NCK1: variants seen among roughly 807,000 people sequenced by gnomAD.
NCK1 encodes the protein SH2/SH3 adapter protein NCK1.
In NCK1, 19 loss-of-function variants were observed where a neutral mutation model predicts 36.6. The observed-to-expected ratio is 0.52, with a 90% CI of 0.36 to 0.76. NCK1 has a LOEUF of 0.76. Ranked by LOEUF, NCK1 falls within the 30% of genes least tolerant of loss-of-function variation. NCK1 has a pLI of 0.00. For missense variants in NCK1, 358 were observed against 445.6 expected, an observed-to-expected ratio of 0.80 and a Z score of 1.77; for synonymous variants, 165 against 156.0, an observed-to-expected ratio of 1.06 and a Z score of -0.43.
chr3:136,893,147 A>AGTGTGTGTGTGTGTGTGTGT (rs142883729), intron 1 of NCK1, among the ~76,000 whole-genome samples: 1 of 41,888 alleles, frequency 2.4e-5, no homozygotes, highest in African/African-American at 8.0e-5. Flanking sequence ...AATATTCCAT[A>AGTGTGTGTGTGTGTGTGTGT]GTGTGTGTGT....
intron 2 of NCK1, among the ~76,000 whole-genome samples, chr3:136,936,973 A>G (rs1488211852): frequency 6.6e-6 from 1 of 152,226 alleles, no homozygotes; most frequent in Non-Finnish European, 1.5e-5. Flanking sequence ...TTTCAATTTT[A>G]ATGAAGTATA....
chr3:136,944,859 G>A (rs1940770666), intron 2 of NCK1, among the ~76,000 whole-genome samples: 1 of 152,150 alleles, frequency 6.6e-6, no homozygotes, highest in Non-Finnish European at 1.5e-5. Flanking sequence ...TGTATTGATA[G>A]TACCATTTGG....
At chr3:136,933,342 A>G (rs184442405) in intron 2 of NCK1, among the ~76,000 whole-genome samples, 19 of 152,372 alleles carry the variant, frequency 1.2e-4, no homozygotes, top group Non-Finnish European at 2.9e-5. Flanking sequence ...CAGTATATCA[A>G]GGATTTGCAA....
chr3:136,923,117 G>A (rs891641335), intron 1 of NCK1, among the ~76,000 whole-genome samples: 2 of 152,000 alleles, frequency 1.3e-5, no homozygotes, highest in African/African-American at 4.8e-5. Flanking sequence ...GTGTGTGTGT[G>A]TGTGCGCGCC....
chr3:136,883,509 C>T (rs565786719), intron 1 of NCK1, among the ~76,000 whole-genome samples: 82 of 152,182 alleles, frequency 5.4e-4, no homozygotes, highest in African/African-American at 1.8e-3. Context: ...ATTCTCTGTC[C>T]TTTATGGTAG....
At chr3:136,872,312 A>G (rs953996854) in intron 1 of NCK1, among the ~76,000 whole-genome samples, 1 of 152,212 alleles carries the variant, frequency 6.6e-6, no homozygotes, top group Admixed American at 6.5e-5. Flanking sequence ...TTAGCAAAGA[A>G]ACTGGCAACA....
chr3:136,881,463 C>T (rs1464261839), intron 1 of NCK1, among the ~76,000 whole-genome samples: 1 of 152,148 alleles, frequency 6.6e-6, no homozygotes, highest in East Asian at 1.9e-4. Flanking sequence ...CATGATCTGC[C>T]CGCCTCGGCC....
At chr3:136,915,904 T>C (rs1939952070) in intron 1 of NCK1, among the ~76,000 whole-genome samples, 1 of 152,048 alleles carries the variant, frequency 6.6e-6, no homozygotes, top group Admixed American at 6.6e-5. Flanking sequence ...TTTTGTATTA[T>C]TAGTAGAGAC....
At chr3:136,924,193 G>A (rs1940183253) in intron 1 of NCK1, among the ~76,000 whole-genome samples, 1 of 152,132 alleles carries the variant, frequency 6.6e-6, no homozygotes, top group Admixed American at 6.5e-5. Flanking sequence ...CAGACATAAT[G>A]TGCCTCCTAA....
intron 1 of NCK1, among the ~76,000 whole-genome samples, chr3:136,891,857 A>T (rs564652827): frequency 3.7e-4 from 56 of 152,254 alleles, no homozygotes; most frequent in African/African-American, 1.2e-3. Flanking sequence ...AGAAGTGTCT[A>T]TTCAATTCCT....
chr3:136,934,532 C>T (rs996363127), intron 2 of NCK1, among the ~76,000 whole-genome samples: 23 of 151,890 alleles, frequency 1.5e-4, no homozygotes, highest in Admixed American at 3.3e-4. Context: ...GTGATCCATC[C>T]GCCTCAGTCT....
chr3:136,899,423 T>TC (rs896882311), intron 1 of NCK1: 158 of 280,626 alleles, frequency 5.6e-4, no homozygotes, highest in Middle Eastern at 1.4e-3. Context: ...TCTTTTCTTT[T>TC]TTTTTTTTTT....
At chr3:136,898,379 C>A (rs1259972157) in intron 1 of NCK1, among the ~76,000 whole-genome samples, 1 of 141,904 alleles carries the variant, frequency 7.0e-6, no homozygotes, top group Non-Finnish European at 1.6e-5. Context: ...AGGCAAGACT[C>A]CCTCTCAAAA....
chr3:136,912,864 C>G (rs1488894527), intron 1 of NCK1, among the ~76,000 whole-genome samples: 1 of 150,976 alleles, frequency 6.6e-6, no homozygotes, highest in Non-Finnish European at 1.5e-5. Flanking sequence ...GTTTCCCAAA[C>G]TGGTCTTGGT....
At chr3:136,922,423 G>C (rs1013317779) in intron 1 of NCK1, among the ~76,000 whole-genome samples, 20 of 152,164 alleles carry the variant, frequency 1.3e-4, no homozygotes, top group African/African-American at 4.6e-4. Flanking sequence ...GTGACCATCT[G>C]CCTATCACCA....
At chr3:136,879,989 T>TAAAAA (rs891612999) in intron 1 of NCK1, among the ~76,000 whole-genome samples, 21 of 119,522 alleles carry the variant, frequency 1.8e-4, no homozygotes, top group Non-Finnish European at 2.3e-4. Context: ...TAAAGAATAT[T>TAAAAA]AAAAAAAAAA....
chr3:136,951,482 G>A lies in NCK1; in HGVS notation c.*3029G>A, dbSNP rs984339607. On this transcript the variant is annotated 3_prime_UTR_variant, in exon 4 of 4. Transcript: ENST00000481752. The stretch of plus-strand genomic sequence containing the variant: ...TTTAAAAATGAGAAGCTAATAACAT[G>A]AGTTGAATTCCCACAAGTCAACAAT... 1.3e-5 allele frequency among the ~76,000 whole-genome samples: 2 copies of A among 152,170 alleles called. No individual in the cohort carries two copies. Among genetic ancestry groups the A allele is most frequent in the Non-Finnish European group, 2.9e-5 (2 of 68,028 alleles).
intron 2 of NCK1, among the ~76,000 whole-genome samples, chr3:136,936,301 A>G (rs1940529599): frequency 6.6e-6 from 1 of 152,198 alleles, no homozygotes; most frequent in Non-Finnish European, 1.5e-5. Flanking sequence ...TCGGCCTCCC[A>G]AAGTGCTGGG....
chr3:136,929,208 C>T lies in NCK1; in HGVS notation c.226+981C>T, dbSNP rs1375593304. Among the ~76,000 whole-genome samples the T allele has an allele frequency of 2.6e-5, 4 of 152,328 alleles. No homozygotes were observed. The South Asian group carries it at 8.3e-4, about 32-fold the overall frequency. Reference sequence around the variant, plus strand: ...TCAGCTTCCTGAGTAGCTGGGACTACAGATGCTTACTACCATACCCAGCTT... The same window carrying T: ...TCAGCTTCCTGAGTAGCTGGGACTATAGATGCTTACTACCATACCCAGCTT... On this transcript the variant is annotated intron_variant, in intron 2 of 3. Transcript: ENST00000481752.
Sources: allele counts gnomAD v4.1 joint callset (sites outside exome capture counted in the v4.1 genomes callset), GRCh38; gene constraint gnomAD v4.1.1; transcripts MANE v1.5; gene names NCBI Gene and HGNC (gene_info 2026-07-23, HGNC 2026-07-21).